The following ZNF462 variants were observed in gnomAD, a reference collection of about 807,000 sequenced individuals.
ZNF462 encodes the protein zinc finger protein 462.
In ZNF462, 10 loss-of-function variants were observed where a neutral mutation model predicts 201.9. The observed-to-expected ratio is 0.05, with a 90% confidence interval of 0.03 to 0.08. ZNF462 has a LOEUF of 0.08. Ranked by LOEUF, ZNF462 falls within the 10% of genes least tolerant of loss-of-function variation. The pLI, the probability that ZNF462 is intolerant of heterozygous loss-of-function variation, is 1.00. For missense variants in ZNF462, 2,523 were observed against 3,168.3 expected, an observed-to-expected ratio of 0.80 and a Z score of 4.89; for synonymous variants, 1,227 against 1,193.3, an observed-to-expected ratio of 1.03 and a Z score of -0.58.
rs1303253887 is a variant in ZNF462 at position 107,006,133 on chromosome 9, G to A, written c.7189+2707G>A. Among the ~76,000 whole-genome samples, 5 of 152,016 alleles carry A rather than the reference G, an allele frequency of 3.3e-5. No homozygotes were observed. Among genetic ancestry groups the A allele is most frequent in the East Asian group, 1.9e-4 (1 of 5,176 alleles). On this transcript the variant is annotated intron_variant, in intron 11 of 12. Coordinates refer to ENST00000277225, the MANE Select transcript of ZNF462 (RefSeq NM_021224.6). This position sits in a 1 kb window ranked among gnomAD's most constrained non-coding sequence, Gnocchi z 4.3. Reference sequence around the variant, plus strand: ...CGGGTAGGGTGGTGCCTCCAACTTCGTTCTGTTTGTTTAAGATTTCTTTGG... The same window carrying A: ...CGGGTAGGGTGGTGCCTCCAACTTCATTCTGTTTGTTTAAGATTTCTTTGG...
At chr9:106,952,211 C>G (rs1189864782) in intron 7 of ZNF462, among the ~76,000 whole-genome samples, 1 of 152,036 alleles carries the variant, frequency 6.6e-6, no homozygotes, top group East Asian at 1.9e-4. Context: ...ACATGCATGT[C>G]CTTAGTTAAA....
intron 1 of ZNF462, among the ~76,000 whole-genome samples, chr9:106,871,542 C>T (rs963506149): frequency 3.3e-5 from 5 of 152,072 alleles, no homozygotes; most frequent in South Asian, 2.1e-4. Context: ...TTTAAGAAAG[C>T]GATTATAGCA....
Position 106,974,671 on chromosome 9 carries a change from G to A in ZNF462, c.6832+398G>A, listed in dbSNP as rs139967299. On this transcript the variant is annotated intron_variant, in intron 9 of 12. Coordinates refer to ENST00000277225, the MANE Select transcript of ZNF462 (RefSeq NM_021224.6). This position sits in a 1 kb window ranked among gnomAD's most constrained non-coding sequence, Gnocchi z 4.0. ...CTATGGCTGTGAGAGATTCTTTCAA[G>A]AAGACCAAAATGATTTCCAAAGCAG... The A allele has an allele frequency of 0.018, 4,749 of 261,678 alleles. 213 individuals are homozygous for A. Among genetic ancestry groups the A allele is most frequent in the African/African-American group, 0.095 (4,355 of 45,948 alleles). 16.2% of individuals were successfully genotyped at this position (261,678 alleles called of 1,614,324 possible). A position where few individuals can be genotyped will look rare whatever the true frequency, so the allele number is the denominator to read the frequency against.
At chr9:106,957,292 G>T (rs1831622645) in intron 7 of ZNF462, among the ~76,000 whole-genome samples, 2 of 152,062 alleles carry the variant, frequency 1.3e-5, no homozygotes, top group Admixed American at 1.3e-4. Context: ...TGGGGGAAAT[G>T]GCTGGTCGGT....
upstream of ZNF462, among the ~76,000 whole-genome samples, chr9:106,860,832 A>G (rs1463580138): frequency 6.6e-6 from 1 of 151,910 alleles, no homozygotes; most frequent in Admixed American, 6.6e-5. The surrounding 1 kb of genome is among the most constrained non-coding windows in gnomAD (Gnocchi z 7.1). Flanking sequence ...GGGCAGGAGG[A>G]CTTCCCTAGG....
At position 106,972,162 on chromosome 9, in the gene ZNF462, C is replaced by A. The variant is rs1452749094; in HGVS notation, c.6585C>A (p.Phe2195Leu). The change falls in exon 8 of 13, where the codon TTC (phenylalanine) becomes TTA (leucine). Residue 2195 changes from phenylalanine to leucine, a missense_variant. Physicochemically the swap from Phe to Leu is conservative, Grantham distance 22. Transcript: ENST00000277225. This position sits in a 1 kb window ranked among gnomAD's most constrained non-coding sequence, Gnocchi z 4.8. ...CTGAAGCCGTGCTTCACTGCGAATT[C>A]TGTGAATTCTCCTCCGGCTACATCC... Reference protein sequence around the residue: ...QKTEAVLHCEFCEFSSGYIQS... With the variant: ...QKTEAVLHCELCEFSSGYIQS... 1 of 1,614,220 alleles carries A rather than the reference C, an allele frequency of 6.2e-7. No homozygotes were observed. Among genetic ancestry groups the A allele is most frequent in the Non-Finnish European group, 8.5e-7 (1 of 1,180,042 alleles).
At position 106,954,997 on chromosome 9, in the gene ZNF462, T is replaced by A. The variant is rs898642892; in HGVS notation, c.6427+15890T>A. 1.3e-5 allele frequency among the ~76,000 whole-genome samples: 2 copies of A among 152,122 alleles called. No individual in the cohort carries two copies. The highest frequency in any genetic ancestry group is 6.6e-5 in the Admixed American group (1 of 15,262). On this transcript the variant is annotated intron_variant, in intron 7 of 12. Transcript: ENST00000277225. This position sits in a 1 kb window ranked among gnomAD's most constrained non-coding sequence, Gnocchi z 4.0. ...ATAGTCATGGTAGTAAAGTAGTAAA[T>A]CAAGATTTGAATGCTTTTCTGACTC...
In ZNF462 at chr9:106,924,970, A is replaced by G; in HGVS notation, c.1058A>G (p.Asn353Ser). 6.2e-7 allele frequency: 1 copy of G among 1,614,158 alleles called. No homozygotes were observed. The highest frequency in any genetic ancestry group is 8.5e-7 in the Non-Finnish European group (1 of 1,180,028). ...YPQMKPKSPH[N>S]SGLVNLTERS... ...CAGATGAAGCCGAAGTCACCTCACA[A>G]TTCTGGTCTAGTTAACTTGACAGAG... The change falls in exon 3 of 13, where the codon AAT (asparagine) becomes AGT (serine). Residue 353 changes from asparagine (N) to serine (S), a missense_variant. This residue lies in a region of ZNF462 where 480 missense variants were observed against 544.4 expected (regional missense o/e 0.88). Transcript: ENST00000277225. This position sits in a 1 kb window ranked among gnomAD's most constrained non-coding sequence, Gnocchi z 6.2.
chr9:106,942,514 G>A (rs1373739885), intron 7 of ZNF462, among the ~76,000 whole-genome samples: 2 of 152,188 alleles, frequency 1.3e-5, no homozygotes, highest in East Asian at 1.9e-4. Context: ...TTGGTTTTGT[G>A]TATAAGATAA....
chr9:106,989,594 G>C (rs1828110589), intron 10 of ZNF462, among the ~76,000 whole-genome samples: 1 of 151,972 alleles, frequency 6.6e-6, no homozygotes, highest in Admixed American at 6.6e-5. Flanking sequence ...TATCTTGTGG[G>C]ATAGTGTCAA....
intron 11 of ZNF462, among the ~76,000 whole-genome samples, chr9:107,007,235 TGACTCCTTATAAAAAAGAAAAG>T (rs2132724248): frequency 6.6e-6 from 1 of 152,284 alleles, no homozygotes; most frequent in African/African-American, 2.4e-5. Flanking sequence ...TGCTCCCCTA[TGACTCCTTATAAAAAAGAAAAG>T]GAAAGAAAGA....
chr9:106,921,704 T>C (rs1470439113), intron 1 of ZNF462, among the ~76,000 whole-genome samples: 1 of 152,200 alleles, frequency 6.6e-6, no homozygotes, highest in Non-Finnish European at 1.5e-5. Context: ...GCAGGAGTTG[T>C]CTGCACCATG....
chr9:106,863,634 G>A (rs1421552100), intron 1 of ZNF462, among the ~76,000 whole-genome samples: 1 of 151,948 alleles, frequency 6.6e-6, no homozygotes, highest in Non-Finnish European at 1.5e-5. Context: ...GGAGAAGGTG[G>A]TAGTGGTGGC....
chr9:106,977,138 G>A lies in ZNF462; in HGVS notation c.6832+2865G>A, dbSNP rs1303808490. 6.6e-6 allele frequency among the ~76,000 whole-genome samples: 1 copy of A among 152,162 alleles called. No homozygotes were observed. The highest frequency in any genetic ancestry group is 2.4e-5 in the African/African-American group (1 of 41,436). On this transcript the variant is annotated intron_variant, in intron 9 of 12. Coordinates refer to ENST00000277225, the MANE Select transcript of ZNF462 (RefSeq NM_021224.6). The surrounding 1 kb of genome is among the most constrained non-coding windows in gnomAD (Gnocchi z 4.6). ...ATCTGTGTCCCGGCCTGGCTTTGGT[G>A]TCCATCTCTACTCAAAATGGCAGCT...
chr9:106,887,478 C>A (rs1228403591), intron 1 of ZNF462, among the ~76,000 whole-genome samples: 2 of 152,198 alleles, frequency 1.3e-5, no homozygotes, highest in Admixed American at 1.3e-4. Flanking sequence ...CAAGATACTT[C>A]CTGACAGGTT....
intron 10 of ZNF462, among the ~76,000 whole-genome samples, chr9:106,985,090 G>A (rs569069886): frequency 2.6e-5 from 4 of 151,938 alleles, no homozygotes; most frequent in Admixed American, 1.3e-4. Flanking sequence ...GAGCGTGGGC[G>A]ACAAAAAAAG....
At chr9:106,995,666 G>C (rs1828652071) in intron 10 of ZNF462, 1 of 152,142 alleles carries the variant, frequency 6.6e-6, no homozygotes, top group African/African-American at 2.4e-5. Context: ...GGTCGTAAGG[G>C]ATAAGTGATA....
chr9:106,953,697 C>G (rs1462122774), intron 7 of ZNF462, among the ~76,000 whole-genome samples: 1 of 152,146 alleles, frequency 6.6e-6, no homozygotes, highest in African/African-American at 2.4e-5. Flanking sequence ...CTTCTGATGC[C>G]ACCAATACTT....
chr9:106,926,641 C>T lies in ZNF462; in HGVS notation c.2729C>T (p.Pro910Leu). 1 of 1,614,030 alleles carries T rather than the reference C, an allele frequency of 6.2e-7. No individual in the cohort carries two copies. The highest frequency in any genetic ancestry group is 8.5e-7 in the Non-Finnish European group (1 of 1,180,030). The change falls in exon 3 of 13, where the codon CCA becomes CTA. Residue 910 changes from proline to leucine, a missense_variant. By Grantham distance (98) the Pro-to-Leu change is moderately conservative. Coordinates refer to ENST00000277225, the MANE Select transcript of ZNF462 (RefSeq NM_021224.6). This position sits in a 1 kb window ranked among gnomAD's most constrained non-coding sequence, Gnocchi z 7.9. ...CAGCAGCATTATGGCGAGCACCACC[C>T]AGAAGCCATGAATGTACTCAACTTT... ...DLQQHYGEHHPEAMNVLNFDH... is the reference protein window; with the variant it reads ...DLQQHYGEHHLEAMNVLNFDH...
Sources: allele counts gnomAD v4.1 joint callset (sites outside exome capture counted in the v4.1 genomes callset), GRCh38; gene constraint gnomAD v4.1.1; regional missense constraint gnomAD v4.1.1; non-coding constraint Gnocchi (gnomAD v3.1); transcripts MANE v1.5; gene names NCBI Gene and HGNC (gene_info 2026-07-23, HGNC 2026-07-21).